RIMS4: variants seen among roughly 807,000 people sequenced by gnomAD.
RIMS4 encodes regulating synaptic membrane exocytosis 4.
In RIMS4, 9 loss-of-function variants were observed where a neutral mutation model predicts 29.0. The observed-to-expected ratio is 0.31, with a 90% CI of 0.19 to 0.54. The LOEUF is 0.54. Ranked by LOEUF, RIMS4 falls within the 20% of genes least tolerant of loss-of-function variation. RIMS4 has a pLI of 0.94. For synonymous variants in RIMS4, 130 were observed against 152.9 expected, an observed-to-expected ratio of 0.85 and a Z score of 1.10; for missense variants, 193 against 365.7, an observed-to-expected ratio of 0.53 and a Z score of 3.85.
intron 1 of RIMS4, among the ~76,000 whole-genome samples, chr20:44,795,842 G>T (rs1437163314): frequency 6.6e-6 from 1 of 152,076 alleles, no homozygotes; most frequent in African/African-American, 2.4e-5. Flanking sequence ...GCAGAGTGTG[G>T]TCTCCAGACT....
In RIMS4 at chr20:44,758,082, G is replaced by A. The variant is rs1223790084; in HGVS notation, c.339C>T (p.Thr113=). The A allele has an allele frequency of 1.9e-6, 3 of 1,608,956 alleles. No individual in the cohort carries two copies. Among genetic ancestry groups the A allele is most frequent in the Non-Finnish European group, 2.5e-6 (3 of 1,176,900 alleles). ...CCTTGGGGCACTCACCCATGGGTGTGGTGGCCAGGGTCTGGCGGCCCACAA... is the reference window on the plus strand; with the variant it reads ...CCTTGGGGCACTCACCCATGGGTGTAGTGGCCAGGGTCTGGCGGCCCACAA... ...AQFVGRQTLA[T]TPMGDVEIGL... is the part of the protein sequence containing the mutation. The change falls in exon 3 of 6, where the codon ACC becomes ACT. Residue 113 remains threonine (T), a synonymous_variant. Transcript: ENST00000372851.
At chr20:44,804,842 T>C (rs1304540150) in intron 1 of RIMS4, among the ~76,000 whole-genome samples, 3 of 151,682 alleles carry the variant, frequency 2.0e-5, no homozygotes, top group Non-Finnish European at 4.4e-5. Flanking sequence ...GTCTAGGGGA[T>C]TGGGGATGGG....
chr20:44,771,589 A>G lies in RIMS4; in HGVS notation c.98-176T>C, dbSNP rs574740758. On this transcript the variant is annotated intron_variant, in intron 1 of 5. Transcript: ENST00000372851. ...GGCCTCACCAGTAACCACTCCACCA[A>G]CAAACAGTATTGCATGAGTTCTGTT... Among the ~76,000 whole-genome samples the G allele has an allele frequency of 2.9e-3, 447 of 152,326 alleles. 2 individuals carry two copies. Among genetic ancestry groups the G allele is most frequent in the African/African-American group, 0.01 (431 of 41,558 alleles).
At position 44,801,341 on chromosome 20, in the gene RIMS4, A is replaced by G. The variant is rs184138473; in HGVS notation, c.97+8834T>C. ...ACATCAAGGTTGGTCCCCTGCCTCC[A>G]ACCTGAGCTAGACCCCAATCTTCCC... On this transcript the variant is annotated intron_variant, in intron 1 of 5. Transcript: ENST00000372851. Among the ~76,000 whole-genome samples, 262 of 152,308 alleles carry G rather than the reference A, an allele frequency of 1.7e-3. 1 individual carries two copies. Among genetic ancestry groups the G allele is most frequent in the Middle Eastern group, 0.01 (3 of 294 alleles).
chr20:44,775,704 C>T (rs1200387932), intron 1 of RIMS4, among the ~76,000 whole-genome samples: 1 of 152,166 alleles, frequency 6.6e-6, no homozygotes, highest in African/African-American at 2.4e-5. Context: ...TCATTACTGC[C>T]TCCACACGAA....
chr20:44,775,183 A>T (rs1475409400), intron 1 of RIMS4, among the ~76,000 whole-genome samples: 1 of 152,116 alleles, frequency 6.6e-6, no homozygotes, highest in Non-Finnish European at 1.5e-5. Context: ...CACTGACGGG[A>T]GCCAGGGAGA....
intron 1 of RIMS4, among the ~76,000 whole-genome samples, chr20:44,789,625 C>T (rs576359129): frequency 1.3e-5 from 2 of 152,284 alleles, no homozygotes; most frequent in African/African-American, 2.4e-5. Flanking sequence ...GACACAATCG[C>T]AGCTCACTTT....
chr20:44,760,196 C>T (rs1012871493), intron 2 of RIMS4, among the ~76,000 whole-genome samples: 4 of 152,318 alleles, frequency 2.6e-5, no homozygotes, highest in Middle Eastern at 3.4e-3. Context: ...TCCTTGAGGA[C>T]GGTCTGTAGT....
intron 1 of RIMS4, among the ~76,000 whole-genome samples, chr20:44,793,799 G>A (rs377109312): frequency 6.6e-6 from 1 of 152,168 alleles, no homozygotes; most frequent in Non-Finnish European, 1.5e-5. Flanking sequence ...GCTGGGCATG[G>A]TGGCTCATGC....
intron 2 of RIMS4, among the ~76,000 whole-genome samples, chr20:44,764,764 G>A (rs1403138537): frequency 1.3e-5 from 2 of 152,166 alleles, no homozygotes; most frequent in South Asian, 2.1e-4. Flanking sequence ...CAAAATTTAT[G>A]TTATGCTCAA....
intron 1 of RIMS4, among the ~76,000 whole-genome samples, chr20:44,790,264 G>A (rs2066227209): frequency 1.3e-5 from 2 of 152,196 alleles, no homozygotes; most frequent in Non-Finnish European, 2.9e-5. Context: ...TGGATTACAG[G>A]CCACGGAGCC....
intron 2 of RIMS4, among the ~76,000 whole-genome samples, chr20:44,765,960 T>C (rs1238074677): frequency 6.6e-6 from 1 of 152,204 alleles, no homozygotes; most frequent in Non-Finnish European, 1.5e-5. Flanking sequence ...CACACCCACC[T>C]ATTATTCATC....
Position 44,754,359 on chromosome 20 carries a change from G to A in RIMS4, c.*1775C>T, listed in dbSNP as rs2066048875. The A allele has an allele frequency of 6.4e-6, 1 of 156,630 alleles. No homozygotes were observed. The highest frequency in any genetic ancestry group is 2.4e-5 in the African/African-American group (1 of 41,576). 9.7% of individuals were successfully genotyped at this position (156,630 alleles called of 1,614,324 possible). A position where few individuals can be genotyped will look rare whatever the true frequency, so the allele number is the denominator to read the frequency against. On this transcript the variant is annotated 3_prime_UTR_variant, in exon 6 of 6. Transcript: ENST00000372851. The stretch of plus-strand genomic sequence containing the variant: ...CAGGGTTTCCACAGGCTAAGGGAAG[G>A]GAAGAATTTCCGGGTGGAAGGAGTT...
intron 1 of RIMS4, among the ~76,000 whole-genome samples, chr20:44,797,949 C>G (rs543161986): frequency 6.6e-6 from 1 of 152,188 alleles, no homozygotes; most frequent in African/African-American, 2.4e-5. Context: ...GGTCAGTTGG[C>G]AAACTGGCAG....
At chr20:44,777,584 C>T (rs1177346886) in intron 1 of RIMS4, among the ~76,000 whole-genome samples, 1 of 152,118 alleles carries the variant, frequency 6.6e-6, no homozygotes, top group Admixed American at 6.5e-5. Context: ...TAAGACAGAG[C>T]TAGGCTTGAA....
intron 2 of RIMS4, among the ~76,000 whole-genome samples, chr20:44,761,879 G>C (rs756954000): frequency 7.2e-5 from 11 of 152,186 alleles, no homozygotes; most frequent in Non-Finnish European, 1.3e-4. Context: ...ATAAAGTCAC[G>C]TAAGTGTCTG....
intron 2 of RIMS4, among the ~76,000 whole-genome samples, chr20:44,761,649 C>T (rs2066085724): frequency 6.6e-6 from 1 of 152,180 alleles, no homozygotes; most frequent in Admixed American, 6.5e-5. Flanking sequence ...GCTCCCCTCC[C>T]TTCCCATCCC....
rs980349977 is a variant in RIMS4 at position 44,810,299 on chromosome 20, CGCGGCGGCG to C, written c.-37_-29del. 3.5e-5 allele frequency: 33 copies of C among 956,254 alleles called. No individual in the cohort carries two copies. In the Middle Eastern group the frequency reaches 1.2e-3, roughly 35 times the overall value. 59.2% of individuals were successfully genotyped at this position (956,254 alleles called of 1,614,324 possible). On this transcript the variant is annotated 5_prime_UTR_variant, in exon 1 of 6. Transcript: ENST00000372851. Reference sequence around the variant, plus strand: ...CCGCGCCGGCGCCGGGCGCCTCGGCCGCGGCGGCGGCGGCGGCGGCGGGCGGCTTGGGCA... The same window carrying C: ...CCGCGCCGGCGCCGGGCGCCTCGGCCGCGGCGGCGGCGGGCGGCTTGGGCA...
At position 44,752,931 on chromosome 20, in the gene RIMS4, A is replaced by T. The variant is rs2066040909; in HGVS notation, c.*3203T>A. On this transcript the variant is annotated 3_prime_UTR_variant, in exon 6 of 6. Coordinates refer to ENST00000372851, the MANE Select transcript of RIMS4 (RefSeq NM_182970.4). ...CCAAGGAGAGCTGAGTCTCCCTGGC[A>T]ACCCTCTCCCCCAGACCCAGGCCCA... 1 of 152,774 alleles carries T rather than the reference A, an allele frequency of 6.5e-6. No homozygotes were observed. The highest frequency in any genetic ancestry group is 2.4e-5 in the African/African-American group (1 of 41,462). The allele number at this position is 152,774 out of a possible 1,614,324, so 9.5% of individuals were successfully genotyped here.
Sources: allele counts gnomAD v4.1 joint callset (sites outside exome capture counted in the v4.1 genomes callset), GRCh38; gene constraint gnomAD v4.1.1; transcripts MANE v1.5; gene names NCBI Gene and HGNC (gene_info 2026-07-23, HGNC 2026-07-21).